Variants in DHFR2 observed in about 807,000 individuals in gnomAD.
DHFR2 encodes the protein dihydrofolate reductase 2.
A neutral mutation model predicts 12.0 loss-of-function variants in DHFR2; 11 were observed. That is an observed-to-expected ratio of 0.92 (90% CI 0.58 to 1.52). The LOEUF (loss-of-function observed/expected upper bound fraction) is 1.52. Ranked by LOEUF, DHFR2 falls within the 40% of genes most tolerant of loss-of-function variation. The pLI is 0.00. For missense variants in DHFR2, 188 were observed against 221.2 expected (o/e 0.85, Z 0.95); for synonymous variants, 87 against 79.6 (o/e 1.09, Z -0.49).
rs1435587813 is a variant in DHFR2, at chr3:94,058,336, T to C, written c.*2612A>G. 1.3e-5 allele frequency: 2 copies of C among 152,174 alleles called. No individual in the cohort carries two copies. Among genetic ancestry groups the C allele is most frequent in the African/African-American group, 4.8e-5 (2 of 41,444 alleles). 9.4% of individuals were successfully genotyped at this position (152,174 alleles called of 1,614,324 possible). ...TTAATACATGTAATCTTTAAAAGCC[T>C]CTTCAGTTTATAATGCATCCTAACA... On this transcript the variant is annotated 3_prime_UTR_variant, in exon 2 of 2. Transcript: ENST00000314636.
rs952720335 is a variant in DHFR2, at chr3:94,060,701, T to C, written c.*247A>G. 6 of 523,250 alleles carry C rather than the reference T, an allele frequency of 1.1e-5. No homozygotes were observed. Among genetic ancestry groups the C allele is most frequent in the Non-Finnish European group, 2.0e-5 (6 of 295,594 alleles). The allele number at this position is 523,250 out of a possible 1,614,324, so 32.4% of individuals were successfully genotyped here. On this transcript the variant is annotated 3_prime_UTR_variant, in exon 2 of 2. Coordinates refer to ENST00000314636, the MANE Select transcript of DHFR2 (RefSeq NM_176815.5). ...GGAGTGGCAAGAGTGCCACATGTGA[T>C]GGGTGTGGAATGGCAGCTCACTGTA...
rs1379467029 is a variant in DHFR2 at position 94,058,436 on chromosome 3, T to C, written c.*2512A>G. 2.6e-5 allele frequency: 4 copies of C among 152,200 alleles called. No homozygotes were observed. The highest frequency in any genetic ancestry group is 1.3e-4 in the Admixed American group (2 of 15,270). The allele number at this position is 152,200 out of a possible 1,614,324, so 9.4% of individuals were successfully genotyped here. ...TTCTAGCAATGTTCCATTCTTTTCT[T>C]CACATAACTACTTAGTCATTTCTTG... On this transcript the variant is annotated 3_prime_UTR_variant, in exon 2 of 2. Coordinates refer to ENST00000314636, the MANE Select transcript of DHFR2 (RefSeq NM_176815.5).
At position 94,059,360 on chromosome 3, in the gene DHFR2, T is replaced by C. The variant is rs1380396674; in HGVS notation, c.*1588A>G. ...CCGTGAGTAGACGAGACTACAGGTG[T>C]GTGCCACAATGCCCAGCCAATTTTT... On this transcript the variant is annotated 3_prime_UTR_variant, in exon 2 of 2. Transcript: ENST00000314636. 1 of 152,156 alleles carries C rather than the reference T, an allele frequency of 6.6e-6. No homozygotes were observed. The highest frequency in any genetic ancestry group is 1.5e-5 in the Non-Finnish European group (1 of 68,082). The allele number at this position is 152,156 out of a possible 1,614,324, so 9.4% of individuals were successfully genotyped here. A position where few individuals can be genotyped will look rare whatever the true frequency, so the allele number is the denominator to read the frequency against.
At position 94,060,662 on chromosome 3, in the gene DHFR2, C is replaced by G. The variant is rs1195701305; in HGVS notation, c.*286G>C. The G allele has an allele frequency of 9.2e-6, 4 of 433,854 alleles. No individual in the cohort carries two copies. Among genetic ancestry groups the G allele is most frequent in the Non-Finnish European group, 1.6e-5 (4 of 243,328 alleles). 26.9% of individuals were successfully genotyped at this position (433,854 alleles called of 1,614,324 possible). A position where few individuals can be genotyped will look rare whatever the true frequency, so the allele number is the denominator to read the frequency against. On this transcript the variant is annotated 3_prime_UTR_variant, in exon 2 of 2. Transcript: ENST00000314636. The stretch of plus-strand genomic sequence containing the variant: ...ATAAATACTACCAACATTAGAAAAG[C>G]CTGACAATGTCAAGGAGTGGCAAGA...
chr3:94,060,870 A>T lies in DHFR2; in HGVS notation c.*78T>A. 6.7e-7 allele frequency: 1 copy of T among 1,488,792 alleles called. No homozygotes were observed. Among genetic ancestry groups the T allele is most frequent in the Non-Finnish European group, 9.1e-7 (1 of 1,098,324 alleles). 92.2% of individuals were successfully genotyped at this position (1,488,792 alleles called of 1,614,324 possible). A position where few individuals can be genotyped will look rare whatever the true frequency, so the allele number is the denominator to read the frequency against. The stretch of plus-strand genomic sequence containing the variant: ...TTATCCATAGATCTGAAGTCAACAA[A>T]AGTCCCTTTTCTAATGTAAAAATGC... On this transcript the variant is annotated 3_prime_UTR_variant, in exon 2 of 2. Transcript: ENST00000314636.
In DHFR2 at chr3:94,058,389, C is replaced by G. The variant is rs2077154335; in HGVS notation, c.*2559G>C. On this transcript the variant is annotated 3_prime_UTR_variant, in exon 2 of 2. Transcript: ENST00000314636. ...CCCCTGCCCCATCCCTCCTAATTCT[C>G]TGGAGCAATGACTTCTAACTCTTCT... 6.6e-6 allele frequency: 1 copy of G among 152,166 alleles called. No individual in the cohort carries two copies. Among genetic ancestry groups the G allele is most frequent in the Admixed American group, 6.5e-5 (1 of 15,274 alleles). The allele number at this position is 152,166 out of a possible 1,614,324, so 9.4% of individuals were successfully genotyped here.
rs775609912 is a variant in DHFR2, at chr3:94,061,300, C to T, written c.212G>A (p.Arg71Lys). The T allele has an allele frequency of 5.0e-6, 8 of 1,613,888 alleles. No individual in the cohort carries two copies. Among genetic ancestry groups the T allele is most frequent in the Non-Finnish European group, 6.8e-6 (8 of 1,179,892 alleles). ...TTCTCTGCTGAGAACTAAATTAATT[C>T]TATCCTTTAAAGGTCGATTCTTCTC... ...IPEKNRPLKD[R>K]INLVLSRELK... The change falls in exon 2 of 2, where the codon AGA becomes AAA. Residue 71 changes from arginine (R) to lysine (K), a missense_variant. By Grantham distance (26) the Arg-to-Lys change is conservative. Coordinates refer to ENST00000314636, the MANE Select transcript of DHFR2 (RefSeq NM_176815.5).
At chr3:94,063,263 C>A, upstream of DHFR2, 2 of 970,868 alleles carry the variant, frequency 2.1e-6, no homozygotes, top group Non-Finnish European at 3.3e-6. Flanking sequence ...GCGAGATCAG[C>A]GTTTCTTTGG....
In DHFR2 at chr3:94,061,274, G is replaced by T; in HGVS notation, c.238C>A (p.Leu80Ile). ...TGAGCTCCTTGTGGAGGTTCCTTGAGTTCTCTGCTGAGAACTAAATTAATT... is the reference window on the plus strand; with the variant it reads ...TGAGCTCCTTGTGGAGGTTCCTTGATTTCTCTGCTGAGAACTAAATTAATT... ...DRINLVLSRE[L>I]KEPPQGAHFL... is the part of the protein sequence containing the mutation. Residue 80 changes from leucine to isoleucine, a missense_variant, in exon 2 of 2, where the codon CTC becomes ATC. Leu to Ile is a conservative substitution (Grantham distance 5, BLOSUM62 2). Coordinates refer to ENST00000314636, the MANE Select transcript of DHFR2 (RefSeq NM_176815.5). 1 of 1,613,974 alleles carries T rather than the reference G, an allele frequency of 6.2e-7. No individual in the cohort carries two copies. Among genetic ancestry groups the T allele is most frequent in the Non-Finnish European group, 8.5e-7 (1 of 1,179,864 alleles).
Position 94,060,873 on chromosome 3 carries a change from T to C in DHFR2, c.*75A>G. The C allele has an allele frequency of 6.7e-7, 1 of 1,494,666 alleles. No homozygotes were observed. Among genetic ancestry groups the C allele is most frequent in the Non-Finnish European group, 9.1e-7 (1 of 1,102,550 alleles). The allele number at this position is 1,494,666 out of a possible 1,614,324, so 92.6% of individuals were successfully genotyped here. ...TCCATAGATCTGAAGTCAACAAAAGTCCCTTTTCTAATGTAAAAATGCATA... is the reference window on the plus strand; with the variant it reads ...TCCATAGATCTGAAGTCAACAAAAGCCCCTTTTCTAATGTAAAAATGCATA... On this transcript the variant is annotated 3_prime_UTR_variant, in exon 2 of 2. Transcript: ENST00000314636.
At position 94,058,058 on chromosome 3, in the gene DHFR2, TAC is replaced by T. The variant is rs1395243090; in HGVS notation, c.*2888_*2889del. 6.6e-6 allele frequency: 1 copy of T among 152,182 alleles called. No homozygotes were observed. Among genetic ancestry groups the T allele is most frequent in the Non-Finnish European group, 1.5e-5 (1 of 68,008 alleles). The allele number at this position is 152,182 out of a possible 1,614,324, so 9.4% of individuals were successfully genotyped here. ...AACAGAAATAAACTATGATTCTTATTACAGTCTTAAAATTCTTTTTTTAATGA... is the reference window on the plus strand; with the variant it reads ...AACAGAAATAAACTATGATTCTTATTAGTCTTAAAATTCTTTTTTTAATGA... On this transcript the variant is annotated 3_prime_UTR_variant, in exon 2 of 2. Transcript: ENST00000314636.
chr3:94,058,397 A>G lies in DHFR2; in HGVS notation c.*2551T>C, dbSNP rs987657806. On this transcript the variant is annotated 3_prime_UTR_variant, in exon 2 of 2. Coordinates refer to ENST00000314636, the MANE Select transcript of DHFR2 (RefSeq NM_176815.5). The stretch of plus-strand genomic sequence containing the variant: ...CCATCCCTCCTAATTCTCTGGAGCA[A>G]TGACTTCTAACTCTTCTAGCAATGT... 1.3e-5 allele frequency: 2 copies of G among 152,172 alleles called. No individual in the cohort carries two copies. Among genetic ancestry groups the G allele is most frequent in the African/African-American group, 2.4e-5 (1 of 41,430 alleles). The allele number at this position is 152,172 out of a possible 1,614,324, so 9.4% of individuals were successfully genotyped here. A position where few individuals can be genotyped will look rare whatever the true frequency, so the allele number is the denominator to read the frequency against.
upstream of DHFR2, chr3:94,063,084 C>T: frequency 1.9e-6 from 3 of 1,613,426 alleles, no homozygotes; most frequent in Non-Finnish European, 8.5e-7. Flanking sequence ...CTTTTTGATA[C>T]TGATTCGCGT....
chr3:94,062,043 C>G (rs1031804320), intron 1 of DHFR2, among the ~76,000 whole-genome samples: 15 of 152,190 alleles, frequency 9.9e-5, no homozygotes, highest in Admixed American at 6.5e-4. Context: ...TATTAACTAT[C>G]AGGGACCATA....
In DHFR2 at chr3:94,062,805, C is replaced by A; in HGVS notation, c.-155G>T. 2 of 366,864 alleles carry A rather than the reference C, an allele frequency of 5.5e-6. No individual in the cohort carries two copies. Among genetic ancestry groups the A allele is most frequent in the Non-Finnish European group, 1.0e-5 (2 of 196,614 alleles). 22.7% of individuals were successfully genotyped at this position (366,864 alleles called of 1,614,324 possible). A position where few individuals can be genotyped will look rare whatever the true frequency, so the allele number is the denominator to read the frequency against. ...CGCAGATGTGTGACTTTCTAAGGTC[C>A]GGCCGCCCAAAGCTACGCCGACCAA... On this transcript the variant is annotated 5_prime_UTR_variant, in exon 1 of 2. Coordinates refer to ENST00000314636, the MANE Select transcript of DHFR2 (RefSeq NM_176815.5).
At chr3:94,061,639 T>G in intron 1 of DHFR2, 33 bp from the exon 2 acceptor site, 10 of 1,418,698 alleles carry the variant, frequency 7.0e-6, no homozygotes, top group Non-Finnish European at 9.3e-6. Context: ...CTGTATTAAT[T>G]AATTGCAACA....
Position 94,061,581 on chromosome 3 carries a change from T to G in DHFR2, c.-70A>C, listed in dbSNP as rs2107227839. 1 of 1,594,020 alleles carries G rather than the reference T, an allele frequency of 6.3e-7. No homozygotes were observed. Among genetic ancestry groups the G allele is most frequent in the South Asian group, 1.1e-5 (1 of 89,018 alleles). On this transcript the variant is annotated 5_prime_UTR_variant, in exon 2 of 2. Transcript: ENST00000314636. ...AGCCAGGCCAAGAATGCCGCGAAAT[T>G]CCCTTCTTCAAATTTTTTTACGTGC...
rs1576073729 is a variant in DHFR2 at position 94,058,705 on chromosome 3, A to G, written c.*2243T>C. The G allele has an allele frequency of 6.5e-6, 1 of 153,526 alleles. No homozygotes were observed. Among genetic ancestry groups the G allele is most frequent in the African/African-American group, 2.5e-5 (1 of 40,712 alleles). The allele number at this position is 153,526 out of a possible 1,614,324, so 9.5% of individuals were successfully genotyped here. A position where few individuals can be genotyped will look rare whatever the true frequency, so the allele number is the denominator to read the frequency against. On this transcript the variant is annotated 3_prime_UTR_variant, in exon 2 of 2. Transcript: ENST00000314636. ...CTGCCCTAGAATTAATTATTGCCTA[A>G]CCAACCCTTCCCCCTTGTTTTTTTT...
At chr3:94,063,271 T>G, upstream of DHFR2, 1 of 909,970 alleles carries the variant, frequency 1.1e-6, no homozygotes, top group Non-Finnish European at 1.8e-6. Flanking sequence ...AGCGTTTCTT[T>G]GGCTTTACTG....
Sources: gnomAD v4.1 joint callset for allele counts (sites outside exome capture counted in the v4.1 genomes callset) on GRCh38, gnomAD v4.1.1 for gene constraint, MANE v1.5 for transcripts, NCBI Gene and HGNC (gene_info 2026-07-23, HGNC 2026-07-21) for gene names.